WNT7A: variants seen among roughly 807,000 people sequenced by gnomAD.
WNT7A encodes the protein protein Wnt-7a.
Under a neutral mutation model 28.2 loss-of-function variants are expected in WNT7A, and 16 were observed. The ratio of observed to expected loss-of-function variants is 0.57; its 90% confidence interval spans 0.38 to 0.86. The LOEUF is 0.86. WNT7A is among the 40% of genes least tolerant of loss of function. The pLI, the probability that WNT7A is intolerant of heterozygous loss-of-function variation, is 0.00. For synonymous variants in WNT7A, 190 were observed against 195.9 expected, an observed-to-expected ratio of 0.97 and a Z score of 0.25; for missense variants, 411 against 489.7, an observed-to-expected ratio of 0.84 and a Z score of 1.52.
chr3:13,827,084 A>G (rs1411374988), intron 3 of WNT7A, among the ~76,000 whole-genome samples: 1 of 152,206 alleles, frequency 6.6e-6, no homozygotes, highest in African/African-American at 2.4e-5. Context: ...GGCCTGACCC[A>G]GGACAGAGTG....
chr3:13,838,591 G>C (rs190321457), intron 3 of WNT7A, among the ~76,000 whole-genome samples: 29 of 152,318 alleles, frequency 1.9e-4, no homozygotes, highest in Non-Finnish European at 3.1e-4. Context: ...GGCAGAGAAC[G>C]GGAGGTACCC....
chr3:13,856,884 GAAGAAGAAAAAGAAGAAGAAGAA>G (rs1694741636), intron 2 of WNT7A, among the ~76,000 whole-genome samples: 1 of 71,876 alleles, frequency 1.4e-5, no homozygotes, highest in Admixed American at 1.4e-4. Flanking sequence ...AGAAGAGGAA[GAAGAAGAAAAAGAAGAAGAAGAA>G]GAAGAAGAAG....
At chr3:13,869,052 AAG>A (rs1467057235) in intron 2 of WNT7A, among the ~76,000 whole-genome samples, 5 of 145,726 alleles carry the variant, frequency 3.4e-5, no homozygotes, top group Admixed American at 6.8e-5. Context: ...GAAAGGGAGA[AAG>A]AGAGAGAGAA....
chr3:13,870,516 C>G (rs1230161994), intron 2 of WNT7A, among the ~76,000 whole-genome samples: 2 of 152,214 alleles, frequency 1.3e-5, no homozygotes, highest in Non-Finnish European at 1.5e-5. Flanking sequence ...GACTAGTACA[C>G]TCGTGAGCAG....
chr3:13,866,357 C>T (rs927173317), intron 2 of WNT7A, among the ~76,000 whole-genome samples: 13 of 152,242 alleles, frequency 8.5e-5, no homozygotes, highest in Admixed American at 6.5e-4. Flanking sequence ...CTCATCCTCT[C>T]GCCACCTGTG....
At chr3:13,846,243 G>A (rs1694536444) in intron 3 of WNT7A, among the ~76,000 whole-genome samples, 1 of 152,252 alleles carries the variant, frequency 6.6e-6, no homozygotes, top group Admixed American at 6.5e-5. Context: ...GAGGACTGTA[G>A]TCTCCAAATT....
chr3:13,878,184 C>T (rs943174674), intron 1 of WNT7A, among the ~76,000 whole-genome samples: 12 of 151,982 alleles, frequency 7.9e-5, no homozygotes, highest in African/African-American at 2.7e-4. Flanking sequence ...GCCGCGGCGC[C>T]GGCGGGAGGG....
intron 2 of WNT7A, among the ~76,000 whole-genome samples, chr3:13,856,893 A>AAAAAAG (rs1559303190): frequency 1.4e-5 from 1 of 73,290 alleles, no homozygotes; most frequent in African/African-American, 6.6e-5. Context: ...AGAAGAAGAA[A>AAAAAAG]AAGAAGAAGA....
At chr3:13,828,892 ACC>A (rs914472715) in intron 3 of WNT7A, among the ~76,000 whole-genome samples, 1 of 152,152 alleles carries the variant, frequency 6.6e-6, no homozygotes, top group East Asian at 1.9e-4. Flanking sequence ...GAGTCAGGTC[ACC>A]CAAGAAGCTC....
At chr3:13,834,572 C>G (rs989777072) in intron 3 of WNT7A, among the ~76,000 whole-genome samples, 1 of 152,060 alleles carries the variant, frequency 6.6e-6, no homozygotes, top group Non-Finnish European at 1.5e-5. Context: ...TCACTCCATG[C>G]TGGTCACAGT....
chr3:13,822,813 C>T (rs1400393759), intron 3 of WNT7A, among the ~76,000 whole-genome samples: 1 of 152,176 alleles, frequency 6.6e-6, no homozygotes, highest in African/African-American at 2.4e-5. Flanking sequence ...CATGTATTTC[C>T]ATGTGTGTGA....
chr3:13,819,139 G>A lies in WNT7A; in HGVS notation c.855C>T (p.Gly285=). ...PNYCEEDPVT[G]SVGTQGRACN... ...AGGCGCGGCCCTGGGTGCCCACACT[G>A]CCGGTCACCGGGTCCTCCTCGCAGT... Residue 285 remains glycine, a synonymous_variant, in exon 4 of 4, where the codon GGC becomes GGT. Coordinates refer to ENST00000285018, the MANE Select transcript of WNT7A (RefSeq NM_004625.4). The A allele has an allele frequency of 6.2e-7, 1 of 1,614,196 alleles. No individual in the cohort carries two copies. The highest frequency in any genetic ancestry group is 8.5e-7 in the Non-Finnish European group (1 of 1,180,030).
At chr3:13,835,822 A>G (rs1694358713) in intron 3 of WNT7A, among the ~76,000 whole-genome samples, 1 of 152,236 alleles carries the variant, frequency 6.6e-6, no homozygotes, top group Admixed American at 6.5e-5. Flanking sequence ...CTTTCCATAC[A>G]ATGAAACGTT....
rs772783463 is a variant in WNT7A, at chr3:13,819,251, C to T, written c.743G>A (p.Arg248Gln). Reference sequence around the variant, plus strand: ...CTTCTTGATCTTCAGGAAGGTGGGCCGCTTGTTGCGGCTGGCACGCACAGG... The same window carrying T: ...CTTCTTGATCTTCAGGAAGGTGGGCTGCTTGTTGCGGCTGGCACGCACAGG... ...VEPVRASRNK[R>Q]PTFLKIKKPL... is the part of the protein sequence containing the mutation. The change falls in exon 4 of 4, where the codon CGG (arginine) becomes CAG (glutamine). Residue 248 changes from arginine (R) to glutamine (Q), a missense_variant. Physicochemically the swap from Arg to Gln is conservative, Grantham distance 43. Transcript: ENST00000285018. The T allele has an allele frequency of 1.2e-6, 2 of 1,614,212 alleles. No individual in the cohort carries two copies. Among genetic ancestry groups the T allele is most frequent in the East Asian group, 2.2e-5 (1 of 44,880 alleles).
intron 2 of WNT7A, among the ~76,000 whole-genome samples, chr3:13,856,423 T>TG (rs1694730455): frequency 6.6e-6 from 1 of 152,220 alleles, no homozygotes. Context: ...ATGAAGCCCC[T>TG]GGGGAACTCA....
intron 2 of WNT7A, among the ~76,000 whole-genome samples, chr3:13,858,367 C>A (rs968921419): frequency 6.6e-6 from 1 of 152,186 alleles, no homozygotes; most frequent in Non-Finnish European, 1.5e-5. Flanking sequence ...GGCTGTCAGC[C>A]CAAGACTCCT....
At chr3:13,866,832 C>A (rs906419516) in intron 2 of WNT7A, among the ~76,000 whole-genome samples, 9 of 152,042 alleles carry the variant, frequency 5.9e-5, no homozygotes, top group Admixed American at 2.6e-4. Flanking sequence ...TGGATGGCTG[C>A]GTGGGTTGCA....
intron 3 of WNT7A, among the ~76,000 whole-genome samples, chr3:13,838,884 T>C (rs1052948509): frequency 6.6e-6 from 1 of 152,246 alleles, no homozygotes; most frequent in Non-Finnish European, 1.5e-5. Flanking sequence ...GTGCTTGAAC[T>C]GTGGCTAGTC....
intron 3 of WNT7A, among the ~76,000 whole-genome samples, chr3:13,831,746 C>A (rs752083717): frequency 2.6e-5 from 4 of 152,142 alleles, no homozygotes; most frequent in African/African-American, 7.2e-5. Flanking sequence ...CATCTCCCTG[C>A]CTCCATGGGG....
Sources: allele counts gnomAD v4.1 joint callset (sites outside exome capture counted in the v4.1 genomes callset), GRCh38; gene constraint gnomAD v4.1.1; transcripts MANE v1.5; gene names NCBI Gene and HGNC (gene_info 2026-07-23, HGNC 2026-07-21).